KCNJ16: variants seen among roughly 807,000 people sequenced by gnomAD.
KCNJ16 encodes the protein potassium inwardly rectifying channel subfamily J member 16.
A neutral mutation model predicts 18.5 loss-of-function variants in KCNJ16; 15 were observed. The observed-to-expected ratio is 0.81, with a 90% CI of 0.54 to 1.25. The LOEUF is 1.25. Among genes scored for constraint, KCNJ16 ranks in the 50% most tolerant of loss-of-function variants. KCNJ16 has a pLI of 0.00. For missense variants in KCNJ16, 523 were observed against 525.7 expected, an observed-to-expected ratio of 0.99 and a Z score of 0.05; for synonymous variants, 174 against 186.5, an observed-to-expected ratio of 0.93 and a Z score of 0.55.
intron 1 of KCNJ16, among the ~76,000 whole-genome samples, chr17:70,077,008 T>A (rs763308938): frequency 2.0e-5 from 3 of 152,064 alleles, no homozygotes; most frequent in Non-Finnish European, 4.4e-5. Context: ...ACTAAGGGGG[T>A]GATATTTAGC....
At chr17:70,092,566 T>TATAGATAGATAGATAG (rs71149816) in intron 1 of KCNJ16, among the ~76,000 whole-genome samples, 5 of 102,600 alleles carry the variant, frequency 4.9e-5, no homozygotes, top group East Asian at 3.1e-4. Flanking sequence ...AGATGATAGA[T>TATAGATAGATAGATAG]ATAGATAGAT....
In KCNJ16 at chr17:70,134,615, TAA is replaced by T. The variant is rs2074168328; in HGVS notation, c.*1273_*1274del. ...TTACTTTAAGCCCACATCCACTGAG[TAA>T]AGAGTCACTTTAAACTTTATAAATC... On this transcript the variant is annotated 3_prime_UTR_variant, in exon 4 of 4. Transcript: ENST00000392671. 1 of 167,082 alleles carries T rather than the reference TAA, an allele frequency of 6.0e-6. No individual in the cohort carries two copies. Among genetic ancestry groups the T allele is most frequent in the African/African-American group, 2.4e-5 (1 of 41,460 alleles). 10.3% of individuals were successfully genotyped at this position (167,082 alleles called of 1,614,324 possible).
chr17:70,099,939 G>A (rs775237916), intron 1 of KCNJ16, among the ~76,000 whole-genome samples: 10 of 152,124 alleles, frequency 6.6e-5, no homozygotes, highest in South Asian at 6.2e-4. Context: ...ACTTCAGCAC[G>A]GTTTGGTCAA....
At chr17:70,079,012 C>T (rs985356180) in intron 1 of KCNJ16, among the ~76,000 whole-genome samples, 1 of 152,010 alleles carries the variant, frequency 6.6e-6, no homozygotes, top group Non-Finnish European at 1.5e-5. Flanking sequence ...GTCTTTTTTT[C>T]TACTACCGTT....
chr17:70,132,443 C>A lies in KCNJ16; in HGVS notation c.356C>A (p.Thr119Lys). 6 of 1,614,154 alleles carry A rather than the reference C, an allele frequency of 3.7e-6. No homozygotes were observed. Among genetic ancestry groups the A allele is most frequent in the Non-Finnish European group, 5.1e-6 (6 of 1,180,008 alleles). Residue 119 changes from threonine (T) to lysine (K), a missense_variant, in exon 4 of 4, where the codon ACA becomes AAA. Transcript: ENST00000392671. The stretch of plus-strand genomic sequence containing the variant: ...TGTGTTGACAACGTCCATTCTTTCA[C>A]AGGGGCCTTTTTGTTCTCCCTAGAG... ...TPCVDNVHSFTGAFLFSLETQ... is the reference protein window; with the variant it reads ...TPCVDNVHSFKGAFLFSLETQ...
chr17:70,107,560 G>C (rs551006487), intron 2 of KCNJ16, among the ~76,000 whole-genome samples: 24 of 151,912 alleles, frequency 1.6e-4, no homozygotes, highest in Non-Finnish European at 2.8e-4. Flanking sequence ...CAGAATTACA[G>C]AATGAAAATG....
intron 2 of KCNJ16, among the ~76,000 whole-genome samples, chr17:70,120,574 T>A (rs551033380): frequency 1.8e-4 from 28 of 152,122 alleles, no homozygotes; most frequent in African/African-American, 6.7e-4. Flanking sequence ...TTTACAATCA[T>A]GGAGAAAGGT....
chr17:70,096,681 T>A, intron 1 of KCNJ16: 1 of 342,238 alleles, frequency 2.9e-6, no homozygotes, highest in South Asian at 1.5e-4. Flanking sequence ...GTACATTAAG[T>A]GGGGTGAAGA....
Position 70,090,189 on chromosome 17 carries a change from A to G in KCNJ16, c.-299-10469A>G, listed in dbSNP as rs760352175. Among the ~76,000 whole-genome samples the G allele has an allele frequency of 2.0e-5, 3 of 152,206 alleles. 1 individual carries two copies. The East Asian group carries it at 5.8e-4, about 29-fold the overall frequency. ...CAAAGGGACAGGGATGGAAAGGCTG[A>G]TGGTGGTGATTTTGTGATTGAATGG... On this transcript the variant is annotated intron_variant, in intron 1 of 3. Transcript: ENST00000392671.
chr17:70,076,231 G>T (rs1017850693), intron 1 of KCNJ16, among the ~76,000 whole-genome samples: 2 of 152,006 alleles, frequency 1.3e-5, no homozygotes, highest in Non-Finnish European at 2.9e-5. Context: ...TTACTCTTAT[G>T]GCTAGTAAGA....
At chr17:70,083,188 G>T (rs887700345) in intron 1 of KCNJ16, among the ~76,000 whole-genome samples, 2 of 148,676 alleles carry the variant, frequency 1.3e-5, no homozygotes, top group African/African-American at 4.9e-5. Flanking sequence ...TCAAGTAGCT[G>T]GGATTATATA....
At chr17:70,095,870 CTTTTTTTTTTTT>C (rs147216245) in intron 1 of KCNJ16, among the ~76,000 whole-genome samples, 5 of 95,388 alleles carry the variant, frequency 5.2e-5, no homozygotes, top group East Asian at 6.4e-4. Flanking sequence ...TTACTTAATC[CTTTTTTTTTTTT>C]TTTTTTTTTT....
At chr17:70,114,293 G>C (rs770394680) in intron 2 of KCNJ16, among the ~76,000 whole-genome samples, 16 of 152,120 alleles carry the variant, frequency 1.1e-4, no homozygotes, top group Non-Finnish European at 2.9e-5. Context: ...CCAGCAGATT[G>C]AATAGACTAA....
At position 70,132,698 on chromosome 17, in the gene KCNJ16, G is replaced by A; in HGVS notation, c.611G>A (p.Gly204Asp). 2 of 1,614,192 alleles carry A rather than the reference G, an allele frequency of 1.2e-6. No individual in the cohort carries two copies. Among genetic ancestry groups the A allele is most frequent in the Non-Finnish European group, 1.7e-6 (2 of 1,180,036 alleles). ...DGKLCLMWRI[G>D]DFRPNHVVEG... ...AAGCTTTGCCTCATGTGGCGCATTG[G>A]TGATTTTCGGCCAAACCACGTGGTA... The change falls in exon 4 of 4, where the codon GGT becomes GAT. Residue 204 changes from glycine to aspartate, a missense_variant. Coordinates refer to ENST00000392671, the MANE Select transcript of KCNJ16 (RefSeq NM_170741.4).
At chr17:70,083,755 G>T (rs573887650) in intron 1 of KCNJ16, among the ~76,000 whole-genome samples, 77 of 152,212 alleles carry the variant, frequency 5.1e-4, no homozygotes, top group African/African-American at 1.8e-3. Context: ...ATAAAAATTT[G>T]ACTTTACACA....
intron 1 of KCNJ16, among the ~76,000 whole-genome samples, chr17:70,090,519 A>G (rs943427154): frequency 1.3e-5 from 2 of 152,210 alleles, no homozygotes; most frequent in Non-Finnish European, 2.9e-5. Flanking sequence ...CATTGGGTGC[A>G]TTTAGTAAGT....
chr17:70,079,737 C>CT lies in KCNJ16; in HGVS notation c.-300+4348dup, dbSNP rs35466190. 2.0e-4 allele frequency among the ~76,000 whole-genome samples: 30 copies of CT among 152,304 alleles called. No individual in the cohort carries two copies. In the East Asian group the frequency reaches 5.4e-3, roughly 27 times the overall value. On this transcript the variant is annotated intron_variant, in intron 1 of 3. Transcript: ENST00000392671. Reference sequence around the variant, plus strand: ...TTATGTTTTTAGATGGAGTCTCACTCTATTGCCTAGGCTAGAGGGCAGTGG... The same window carrying CT: ...TTATGTTTTTAGATGGAGTCTCACTCTTATTGCCTAGGCTAGAGGGCAGTGG...
intron 1 of KCNJ16, among the ~76,000 whole-genome samples, chr17:70,087,595 T>A (rs866146420): frequency 1.3e-5 from 2 of 152,032 alleles, no homozygotes; most frequent in East Asian, 3.9e-4. Context: ...TAATTCCAGC[T>A]ATTCGGGAGG....
At chr17:70,113,149 C>A (rs2073257979) in intron 2 of KCNJ16, among the ~76,000 whole-genome samples, 1 of 152,148 alleles carries the variant, frequency 6.6e-6, no homozygotes, top group Non-Finnish European at 1.5e-5. Flanking sequence ...CCTTTTATGG[C>A]TTATCTATGG....
Sources: allele counts gnomAD v4.1 joint callset (sites outside exome capture counted in the v4.1 genomes callset), GRCh38; gene constraint gnomAD v4.1.1; transcripts MANE v1.5; gene names NCBI Gene and HGNC (gene_info 2026-07-23, HGNC 2026-07-21).